The following NOL10 variants were observed in gnomAD, a reference collection of about 807,000 sequenced individuals.
NOL10 encodes the protein H_NH0074G24.1.
A neutral mutation model predicts 103.5 loss-of-function variants in NOL10; 58 were observed. The ratio of observed to expected loss-of-function variants is 0.56; its 90% CI spans 0.45 to 0.70. The LOEUF is 0.70. Among genes scored for constraint, NOL10 ranks in the 30% least tolerant of loss-of-function variants. NOL10 has a pLI of 0.00. For missense variants in NOL10, 763 were observed against 807.3 expected, an observed-to-expected ratio of 0.95 and a Z score of 0.67; for synonymous variants, 287 against 282.5, an observed-to-expected ratio of 1.02 and a Z score of -0.16.
At chr2:10,653,030 T>C (rs1679582470) in intron 12 of NOL10, among the ~76,000 whole-genome samples, 1 of 152,066 alleles carries the variant, frequency 6.6e-6, no homozygotes, top group Non-Finnish European at 1.5e-5. Context: ...ACCCCGTTTC[T>C]ACTAAAAATA....
intron 14 of NOL10, among the ~76,000 whole-genome samples, chr2:10,605,593 CT>C (rs1676210826): frequency 6.6e-6 from 1 of 151,864 alleles, no homozygotes; most frequent in Non-Finnish European, 1.5e-5. Flanking sequence ...TATATAACTC[CT>C]TTTTTCACCC....
chr2:10,677,585 C>A (rs918033088), intron 3 of NOL10, among the ~76,000 whole-genome samples: 5 of 151,804 alleles, frequency 3.3e-5, no homozygotes. Context: ...GATCCTCCCA[C>A]CTCAGCTTCC....
At chr2:10,580,415 T>A (rs1162612324) in intron 19 of NOL10, among the ~76,000 whole-genome samples, 1 of 150,288 alleles carries the variant, frequency 6.7e-6, no homozygotes, top group Non-Finnish European at 1.5e-5. Context: ...AGGCTTTACT[T>A]TAGGTCTGAC....
At chr2:10,655,879 C>T (rs1031362838) in intron 11 of NOL10, among the ~76,000 whole-genome samples, 28 of 152,174 alleles carry the variant, frequency 1.8e-4, no homozygotes, top group African/African-American at 6.8e-4. Context: ...AGAACACGGC[C>T]AAGTCCTAAC....
intron 2 of NOL10, among the ~76,000 whole-genome samples, chr2:10,682,932 G>A (rs1681884633): frequency 6.6e-6 from 1 of 151,948 alleles, no homozygotes; most frequent in South Asian, 2.1e-4. Flanking sequence ...CTACAGGCAC[G>A]CACCACCATG....
chr2:10,587,046 T>TATATATATACATATATATATAC lies in NOL10; in HGVS notation c.1844+1975_1844+1996dup, dbSNP rs1418897461. Among the ~76,000 whole-genome samples, 5 of 55,578 alleles carry TATATATATACATATATATATAC rather than the reference T, an allele frequency of 9.0e-5. 1 individual carries two copies. In the East Asian group the frequency reaches 1.3e-3, roughly 14 times the overall value. The allele number at this position is 55,578 out of a possible 152,430, so 36.5% of individuals were successfully genotyped here. A position where few individuals can be genotyped will look rare whatever the true frequency, so the allele number is the denominator to read the frequency against. The stretch of plus-strand genomic sequence containing the variant: ...TAAATAACACAAAAAGTTAAATGTA[T>TATATATATACATATATATATAC]ATATATATACATATATATATACATA... On this transcript the variant is annotated intron_variant, in intron 19 of 20. Coordinates refer to ENST00000381685, the MANE Select transcript of NOL10 (RefSeq NM_024894.4).
chr2:10,574,308 A>G (rs1674337936), intron 20 of NOL10, among the ~76,000 whole-genome samples: 1 of 150,236 alleles, frequency 6.7e-6, no homozygotes, highest in Non-Finnish European at 1.5e-5. Context: ...CCAGTTACTC[A>G]ATATTTCGAT....
chr2:10,573,521 A>T (rs930416155), intron 20 of NOL10, among the ~76,000 whole-genome samples: 3 of 151,992 alleles, frequency 2.0e-5, no homozygotes, highest in African/African-American at 7.3e-5. Context: ...CACCTAACAA[A>T]ACACATGCAT....
intron 13 of NOL10, among the ~76,000 whole-genome samples, chr2:10,621,133 A>G (rs1391296375): frequency 1.3e-5 from 2 of 152,182 alleles, no homozygotes; most frequent in Non-Finnish European, 1.5e-5. Context: ...GGATAGATCC[A>G]AAAGACTTCA....
At chr2:10,653,067 G>A (rs1387891976) in intron 12 of NOL10, among the ~76,000 whole-genome samples, 5 of 151,992 alleles carry the variant, frequency 3.3e-5, no homozygotes, top group East Asian at 1.9e-4. Context: ...GTGGTGGTGC[G>A]TGCCTGTAGT....
chr2:10,676,473 C>T (rs1383571800), intron 3 of NOL10, among the ~76,000 whole-genome samples: 3 of 152,076 alleles, frequency 2.0e-5, no homozygotes, highest in African/African-American at 7.2e-5. Flanking sequence ...ATTACATAGC[C>T]CATAAAGTGG....
chr2:10,609,407 G>A (rs562385897), intron 13 of NOL10, among the ~76,000 whole-genome samples: 15 of 114,390 alleles, frequency 1.3e-4, no homozygotes, highest in African/African-American at 4.7e-4. Context: ...CTAACAAGGT[G>A]AAACCCTGTC....
At chr2:10,592,464 C>G (rs1017600861) in intron 17 of NOL10, among the ~76,000 whole-genome samples, 1 of 152,040 alleles carries the variant, frequency 6.6e-6, no homozygotes. Context: ...CACTAGGTGT[C>G]TGGGAACGAT....
At chr2:10,669,300 G>A (rs1047925682) in intron 6 of NOL10, among the ~76,000 whole-genome samples, 1 of 151,206 alleles carries the variant, frequency 6.6e-6, no homozygotes, top group African/African-American at 2.4e-5. Context: ...ATGTTGGCCA[G>A]GCTGGTCTTG....
intron 13 of NOL10, among the ~76,000 whole-genome samples, chr2:10,618,049 T>C (rs1448655770): frequency 2.1e-5 from 3 of 143,364 alleles, no homozygotes; most frequent in Admixed American, 1.4e-4. Flanking sequence ...TTTTTTTTTT[T>C]CTTTTTTATT....
Position 10,683,361 on chromosome 2 carries a change from CT to C in NOL10, c.112+1205del, listed in dbSNP as rs1681916211. Among the ~76,000 whole-genome samples, 5 of 152,296 alleles carry C rather than the reference CT, an allele frequency of 3.3e-5. No individual in the cohort carries two copies. The South Asian group carries it at 1.0e-3, about 32-fold the overall frequency. On this transcript the variant is annotated intron_variant, in intron 2 of 20. Transcript: ENST00000381685. ...AAGAACCAACATCTTCTGCAATCACCTTTAACTGTTCAGATTCATAAACCCT... is the reference window on the plus strand; with the variant it reads ...AAGAACCAACATCTTCTGCAATCACCTTAACTGTTCAGATTCATAAACCCT...
chr2:10,615,720 C>G (rs1214190471), intron 13 of NOL10, among the ~76,000 whole-genome samples: 1 of 152,170 alleles, frequency 6.6e-6, no homozygotes, highest in African/African-American at 2.4e-5. Context: ...AAAGATTCCT[C>G]TCTCAGAATC....
chr2:10,659,584 T>C (rs965189897), intron 9 of NOL10, among the ~76,000 whole-genome samples: 1 of 151,890 alleles, frequency 6.6e-6, no homozygotes, highest in African/African-American at 2.4e-5. Context: ...CTTGGGTGGC[T>C]GAGGCAAGAG....
At chr2:10,643,131 C>T (rs1366004797) in intron 13 of NOL10, among the ~76,000 whole-genome samples, 1 of 152,110 alleles carries the variant, frequency 6.6e-6, no homozygotes, top group Non-Finnish European at 1.5e-5. Context: ...TTAGGAAAAC[C>T]AAAATGCTTC....
Sources: allele counts gnomAD v4.1 joint callset (sites outside exome capture counted in the v4.1 genomes callset), GRCh38; gene constraint gnomAD v4.1.1; transcripts MANE v1.5; gene names NCBI Gene and HGNC (gene_info 2026-07-23, HGNC 2026-07-21).